The following CTDSPL2 variants were observed in gnomAD, a reference collection of about 807,000 sequenced individuals.
CTDSPL2 encodes the protein CTD small phosphatase like 2.
CTDSPL2 carries 5 observed loss-of-function variants against 60.0 expected under a neutral mutation model. The observed-to-expected ratio is 0.08, with a 90% confidence interval of 0.04 to 0.18. The LOEUF (loss-of-function observed/expected upper bound fraction) is 0.18. Among genes scored for constraint, CTDSPL2 ranks in the 10% least tolerant of loss-of-function variants. CTDSPL2 has a pLI of 1.00. For synonymous variants in CTDSPL2, 186 were observed against 189.3 expected, an observed-to-expected ratio of 0.98 and a Z score of 0.14; for missense variants, 370 against 548.8, an observed-to-expected ratio of 0.67 and a Z score of 3.26.
intron 2 of CTDSPL2, among the ~76,000 whole-genome samples, chr15:44,469,265 C>G (rs2080757806): frequency 6.6e-6 from 1 of 152,144 alleles, no homozygotes; most frequent in African/African-American, 2.4e-5. Flanking sequence ...ATATAGTTTT[C>G]ATGTGCCATG....
chr15:44,486,637 A>T lies in CTDSPL2; in HGVS notation c.412A>T (p.Thr138Ser). 1 of 1,597,628 alleles carries T rather than the reference A, an allele frequency of 6.3e-7. No homozygotes were observed. The highest frequency in any genetic ancestry group is 1.2e-5 in the South Asian group (1 of 85,628). ...DNPSSGSPPRTTLLGTIFSPV... is the reference protein window; with the variant it reads ...DNPSSGSPPRSTLLGTIFSPV... Reference sequence around the variant, plus strand: ...TCCTTCCTCTGGCAGTCCTCCAAGGACTACTTTGTTGGGGACCATATTTTC... The same window carrying T: ...TCCTTCCTCTGGCAGTCCTCCAAGGTCTACTTTGTTGGGGACCATATTTTC... The change falls in exon 4 of 13, where the codon ACT becomes TCT. Residue 138 changes from threonine (T) to serine (S), a missense_variant. This residue lies in a region of CTDSPL2 where 287 missense variants were observed against 296.1 expected (regional missense o/e 0.97). Coordinates refer to ENST00000260327, the MANE Select transcript of CTDSPL2 (RefSeq NM_016396.3).
intron 2 of CTDSPL2, among the ~76,000 whole-genome samples, chr15:44,468,741 T>C (rs1404951390): frequency 6.6e-6 from 1 of 152,174 alleles, no homozygotes; most frequent in African/African-American, 2.4e-5. Flanking sequence ...CCCCTATCTT[T>C]GGTTTTGTGT....
intron 8 of CTDSPL2, among the ~76,000 whole-genome samples, chr15:44,511,367 A>G (rs1441242744): frequency 6.6e-6 from 1 of 152,226 alleles, no homozygotes; most frequent in Non-Finnish European, 1.5e-5. Flanking sequence ...CCTAATCTGG[A>G]AGTCACTGTA....
At chr15:44,455,663 C>T (rs1170771814) in intron 1 of CTDSPL2, among the ~76,000 whole-genome samples, 1 of 152,044 alleles carries the variant, frequency 6.6e-6, no homozygotes, top group African/African-American at 2.4e-5. Context: ...GCCTTTTCTA[C>T]ATCTATTGAG....
intron 8 of CTDSPL2, among the ~76,000 whole-genome samples, chr15:44,513,722 G>A (rs2081605253): frequency 6.6e-6 from 1 of 152,126 alleles, no homozygotes; most frequent in Admixed American, 6.5e-5. Flanking sequence ...AATTATAATA[G>A]TAGTCACCTT....
chr15:44,462,366 G>A (rs1567073272), intron 2 of CTDSPL2, among the ~76,000 whole-genome samples: 1 of 152,158 alleles, frequency 6.6e-6, no homozygotes, highest in Non-Finnish European at 1.5e-5. Context: ...ACTAGCAGCT[G>A]ATTTCAGGGA....
chr15:44,481,437 G>A (rs1371481258), intron 2 of CTDSPL2, among the ~76,000 whole-genome samples: 3 of 152,134 alleles, frequency 2.0e-5, no homozygotes, highest in Admixed American at 2.0e-4. Flanking sequence ...TAGTAGGGGG[G>A]AGGGGTTTGT....
chr15:44,486,909 A>G (rs1040428671), intron 4 of CTDSPL2, among the ~76,000 whole-genome samples: 1 of 151,854 alleles, frequency 6.6e-6, no homozygotes, highest in African/African-American at 2.4e-5. Context: ...GACTGTAGGT[A>G]CCTGCCACCA....
intron 2 of CTDSPL2, among the ~76,000 whole-genome samples, chr15:44,477,383 T>A (rs1439503473): frequency 6.6e-6 from 1 of 150,396 alleles, no homozygotes; most frequent in Admixed American, 6.7e-5. Flanking sequence ...AAAATTTTGT[T>A]TTCAATTTGC....
intron 4 of CTDSPL2, among the ~76,000 whole-genome samples, chr15:44,489,957 G>A (rs1277291269): frequency 2.6e-5 from 4 of 152,164 alleles, no homozygotes; most frequent in Non-Finnish European, 4.4e-5. Context: ...AGAATAAAGA[G>A]CATTGAGGGA....
intron 1 of CTDSPL2, among the ~76,000 whole-genome samples, chr15:44,452,528 C>T (rs1482437501): frequency 1.3e-5 from 2 of 151,886 alleles, no homozygotes; most frequent in Non-Finnish European, 1.5e-5. Context: ...ATATTGTGAA[C>T]GTGTTTACAT....
At chr15:44,502,406 T>C (rs935474392) in intron 8 of CTDSPL2, among the ~76,000 whole-genome samples, 2 of 152,174 alleles carry the variant, frequency 1.3e-5, no homozygotes, top group African/African-American at 4.8e-5. Flanking sequence ...ATGTTATTTC[T>C]GTTTCATTTC....
At chr15:44,494,288 G>A (rs967415538) in intron 5 of CTDSPL2, among the ~76,000 whole-genome samples, 8 of 152,154 alleles carry the variant, frequency 5.3e-5, no homozygotes, top group Non-Finnish European at 1.2e-4. Context: ...ATTTTTAAGT[G>A]TTTATAAATT....
At chr15:44,435,695 C>T (rs1418219014) in intron 1 of CTDSPL2, among the ~76,000 whole-genome samples, 1 of 151,234 alleles carries the variant, frequency 6.6e-6, no homozygotes, top group Non-Finnish European at 1.5e-5. Context: ...CAACCTCTGC[C>T]TCCCGGGTTC....
At chr15:44,435,443 G>T (rs142870504) in intron 1 of CTDSPL2, among the ~76,000 whole-genome samples, 1 of 151,446 alleles carries the variant, frequency 6.6e-6, no homozygotes, top group African/African-American at 2.4e-5. Flanking sequence ...GGTAGCGCAT[G>T]CCTGTAATCC....
intron 11 of CTDSPL2, chr15:44,520,350 T>C (rs2081743861): frequency 1.3e-5 from 2 of 152,024 alleles, no homozygotes; most frequent in Non-Finnish European, 2.9e-5. Flanking sequence ...GGTTTTGCTG[T>C]GTTGGCCAGG....
intron 2 of CTDSPL2, among the ~76,000 whole-genome samples, chr15:44,474,217 G>GT (rs1346444203): frequency 1.3e-5 from 2 of 152,182 alleles, no homozygotes; most frequent in South Asian, 2.1e-4. Context: ...GCTCACGCCT[G>GT]TAACGCCTGT....
At chr15:44,512,268 C>G (rs2081580644) in intron 8 of CTDSPL2, among the ~76,000 whole-genome samples, 1 of 151,826 alleles carries the variant, frequency 6.6e-6, no homozygotes, top group Non-Finnish European at 1.5e-5. Flanking sequence ...CTCATTGGAT[C>G]ATTTTGCATT....
At position 44,513,086 on chromosome 15, in the gene CTDSPL2, A is replaced by C. The variant is rs188856581; in HGVS notation, c.970-1512A>C. Reference sequence around the variant, plus strand: ...GACTCCTTCTCAAAAAAAAAAAAAAACTAATAGGATTAAAAACAAGTAAAC... The same window carrying C: ...GACTCCTTCTCAAAAAAAAAAAAAACCTAATAGGATTAAAAACAAGTAAAC... On this transcript the variant is annotated intron_variant, in intron 8 of 12. Transcript: ENST00000260327. Among the ~76,000 whole-genome samples the C allele has an allele frequency of 2.2e-3, 337 of 151,494 alleles. 1 individual carries two copies. Among genetic ancestry groups the C allele is most frequent in the African/African-American group, 7.9e-3 (325 of 41,258 alleles).
Sources: gnomAD v4.1 joint callset for allele counts (sites outside exome capture counted in the v4.1 genomes callset) on GRCh38, gnomAD v4.1.1 for gene constraint, gnomAD v4.1.1 regional missense constraint, MANE v1.5 for transcripts, NCBI Gene and HGNC (gene_info 2026-07-23, HGNC 2026-07-21) for gene names.